C10orf67: variants seen among roughly 807,000 people sequenced by gnomAD.
C10orf67 encodes chromosome 10 open reading frame 67, also known as uncharacterized protein C10orf67, mitochondrial.
A neutral mutation model predicts 35.6 loss-of-function variants in C10orf67; 60 were observed. That is an observed-to-expected ratio of 1.68 (90% CI 1.37 to 2.09). The LOEUF (loss-of-function observed/expected upper bound fraction) is 2.09. Among genes scored for constraint, C10orf67 ranks in the 30% most tolerant of loss-of-function variants. The pLI is 0.00. For synonymous variants in C10orf67, 167 were observed against 115.8 expected (o/e 1.44, Z -2.84); for missense variants, 474 against 330.2 (o/e 1.44, Z -3.38).
intron 8 of C10orf67, among the ~76,000 whole-genome samples, chr10:23,279,140 A>G (rs1843287418): frequency 6.6e-6 from 1 of 152,214 alleles, no homozygotes; most frequent in Non-Finnish European, 1.5e-5. Context: ...TGCAGGACTA[A>G]TAAATATCCA....
intron 5 of C10orf67, among the ~76,000 whole-genome samples, chr10:23,297,973 C>T (rs1166314634): frequency 2.6e-5 from 4 of 152,144 alleles, no homozygotes; most frequent in South Asian, 2.1e-4. Context: ...GAGGCCAACC[C>T]GGCCGGGCAT....
chr10:23,313,738 G>T (rs1374338966), intron 4 of C10orf67, among the ~76,000 whole-genome samples: 4 of 152,174 alleles, frequency 2.6e-5, no homozygotes, highest in African/African-American at 9.7e-5. Context: ...GGAGGGTAAA[G>T]TTTTAGCTAA....
chr10:23,223,692 T>C, intron 14 of C10orf67, 34 bp from the exon 15 acceptor site: 1 of 717,148 alleles, frequency 1.4e-6, no homozygotes, highest in Non-Finnish European at 2.6e-6. Context: ...ATTACTTAAG[T>C]TGAATAATAT....
At chr10:23,229,552 T>C (rs1841847153) in intron 13 of C10orf67, among the ~76,000 whole-genome samples, 1 of 152,098 alleles carries the variant, frequency 6.6e-6, no homozygotes. Flanking sequence ...CTGCACATTA[T>C]GCACATGTTC....
chr10:23,302,536 G>A (rs1218051557), intron 5 of C10orf67, among the ~76,000 whole-genome samples: 1 of 152,094 alleles, frequency 6.6e-6, no homozygotes, highest in Non-Finnish European at 1.5e-5. Flanking sequence ...TTCCTCCTGG[G>A]TCCCAGCATC....
intron 5 of C10orf67, among the ~76,000 whole-genome samples, chr10:23,302,430 C>G (rs1236111208): frequency 6.6e-6 from 1 of 152,136 alleles, no homozygotes; most frequent in Non-Finnish European, 1.5e-5. Context: ...ACCACCCTGT[C>G]TCTGCCTCTT....
rs1217352444 is a variant in C10orf67 at position 23,243,688 on chromosome 10, C to CAA, written c.1347-3874_1347-3873dup. On this transcript the variant is annotated intron_variant, in intron 12 of 15. Transcript: ENST00000636213. Reference sequence around the variant, plus strand: ...GGCAACAAGAGCAAAATCTCTGGCTCAAAAAAAAAAAAAAAAATTCATTCT... The same window carrying CAA: ...GGCAACAAGAGCAAAATCTCTGGCTCAAAAAAAAAAAAAAAAAAATTCATTCT... Among the ~76,000 whole-genome samples, 182 of 80,556 alleles carry CAA rather than the reference C, an allele frequency of 2.3e-3. 1 individual carries two copies. Among genetic ancestry groups the CAA allele is most frequent in the African/African-American group, 7.7e-3 (173 of 22,374 alleles). 52.8% of individuals were successfully genotyped at this position (80,556 alleles called of 152,430 possible). A position where few individuals can be genotyped will look rare whatever the true frequency, so the allele number is the denominator to read the frequency against.
At chr10:23,338,260 G>A (rs988414160) in intron 1 of C10orf67, among the ~76,000 whole-genome samples, 4 of 152,062 alleles carry the variant, frequency 2.6e-5, no homozygotes, top group Admixed American at 2.6e-4. Flanking sequence ...GATGGCCCTC[G>A]AACAAAATGG....
Position 23,213,640 on chromosome 10 carries a change from G to A in C10orf67, c.1571-9385C>T, listed in dbSNP as rs1841365363. On this transcript the variant is annotated intron_variant, in intron 15 of 15. Coordinates refer to ENST00000636213, the MANE Select transcript of C10orf67 (RefSeq NM_001371909.1). ...TCACAAAGCAAATTATTGAAGTAATGATACTTCTAAACATACACATATATT... is the reference window on the plus strand; with the variant it reads ...TCACAAAGCAAATTATTGAAGTAATAATACTTCTAAACATACACATATATT... Among the ~76,000 whole-genome samples the A allele has an allele frequency of 3.9e-5, 6 of 152,096 alleles. No individual in the cohort carries two copies. In the South Asian group the frequency reaches 1.2e-3, roughly 31 times the overall value.
chr10:23,330,325 T>G (rs1845398276), intron 2 of C10orf67, among the ~76,000 whole-genome samples: 1 of 151,914 alleles, frequency 6.6e-6, no homozygotes, highest in African/African-American at 2.4e-5. Context: ...TAGCCAGCTG[T>G]GGTGGCACAC....
chr10:23,333,373 G>A (rs1009047511), intron 1 of C10orf67, among the ~76,000 whole-genome samples, 191 bp from the exon 2 acceptor site: 1 of 152,126 alleles, frequency 6.6e-6, no homozygotes, highest in African/African-American at 2.4e-5. Flanking sequence ...AAATTCCCTG[G>A]ACTGAGGCAT....
At chr10:23,240,787 A>G (rs1038850162) in intron 12 of C10orf67, among the ~76,000 whole-genome samples, 1 of 152,238 alleles carries the variant, frequency 6.6e-6, no homozygotes, top group Admixed American at 6.5e-5. Context: ...AGATGAGATT[A>G]TCTAGGAAAG....
chr10:23,251,697 AC>A (rs1842459505), intron 10 of C10orf67, among the ~76,000 whole-genome samples: 1 of 152,200 alleles, frequency 6.6e-6, no homozygotes, highest in African/African-American at 2.4e-5. Flanking sequence ...ATAAACAATA[AC>A]TAGGTTCGTA....
At chr10:23,285,051 G>C (rs1462386753) in intron 7 of C10orf67, among the ~76,000 whole-genome samples, 1 of 152,170 alleles carries the variant, frequency 6.6e-6, no homozygotes, top group Non-Finnish European at 1.5e-5. Context: ...GCAAATATCA[G>C]CTGTCATTTG....
intron 12 of C10orf67, among the ~76,000 whole-genome samples, chr10:23,243,513 G>A (rs1012455565): frequency 2.6e-5 from 4 of 151,332 alleles, no homozygotes; most frequent in South Asian, 2.1e-4. Flanking sequence ...GAGAAATCCC[G>A]TCTCTACTAA....
intron 10 of C10orf67, among the ~76,000 whole-genome samples, chr10:23,264,741 C>T (rs1179938890): frequency 1.3e-5 from 2 of 152,168 alleles, no homozygotes; most frequent in Non-Finnish European, 2.9e-5. Flanking sequence ...GCTACAGCTG[C>T]CCCCTGCTGC....
chr10:23,288,737 ATTC>A (rs1031231036), intron 7 of C10orf67, among the ~76,000 whole-genome samples: 1 of 152,182 alleles, frequency 6.6e-6, no homozygotes, highest in Non-Finnish European at 1.5e-5. Flanking sequence ...GTGAAACTGA[ATTC>A]TTAATTTTGT....
Position 23,251,842 on chromosome 10 carries a change from T to C in C10orf67, c.1201-1151A>G, listed in dbSNP as rs573345904. Among the ~76,000 whole-genome samples, 11 of 152,296 alleles carry C rather than the reference T, an allele frequency of 7.2e-5. No individual in the cohort carries two copies. The South Asian group carries it at 2.3e-3, about 32-fold the overall frequency. On this transcript the variant is annotated intron_variant, in intron 10 of 15. Coordinates refer to ENST00000636213, the MANE Select transcript of C10orf67 (RefSeq NM_001371909.1). ...ACCAAGGTAAATACAAATTTTCAAATTAATGCATAACAATGTGGATTTTCT... is the reference window on the plus strand; with the variant it reads ...ACCAAGGTAAATACAAATTTTCAAACTAATGCATAACAATGTGGATTTTCT...
chr10:23,235,261 T>C (rs991093371), intron 13 of C10orf67, among the ~76,000 whole-genome samples: 2 of 152,022 alleles, frequency 1.3e-5, no homozygotes, highest in Admixed American at 1.3e-4. Flanking sequence ...AAGAAATATA[T>C]ACAGAATGTG....
Sources: gnomAD v4.1 joint callset for allele counts (sites outside exome capture counted in the v4.1 genomes callset) on GRCh38, gnomAD v4.1.1 for gene constraint, MANE v1.5 for transcripts, NCBI Gene and HGNC (gene_info 2026-07-23, HGNC 2026-07-21) for gene names.